PDE7B: variants seen among roughly 807,000 people sequenced by gnomAD.
The protein encoded by PDE7B is phosphodiesterase 7B, also known as 3',5'-cyclic-AMP phosphodiesterase 7B.
In PDE7B, 29 loss-of-function variants were observed where a neutral mutation model predicts 56.2. The observed-to-expected ratio is 0.52, with a 90% CI of 0.38 to 0.70. The LOEUF (loss-of-function observed/expected upper bound fraction) is 0.70. Ranked by LOEUF, PDE7B falls within the 30% of genes least tolerant of loss-of-function variation. The probability of loss-of-function intolerance (pLI) is 0.00; values close to 1 mark genes in which losing one functional copy is unlikely to be tolerated. For synonymous variants in PDE7B, 197 were observed against 196.9 expected (o/e 1.00, Z 0.00); for missense variants, 490 against 565.0 (o/e 0.87, Z 1.35).
chr6:136,185,081 A>G (rs1373006658), intron 11 of PDE7B, among the ~76,000 whole-genome samples: 1 of 152,114 alleles, frequency 6.6e-6, no homozygotes, highest in Non-Finnish European at 1.5e-5. Flanking sequence ...TTGTCTTAAT[A>G]TTATATGGTG....
At chr6:136,152,077 A>AGGG (rs1778529735) in intron 6 of PDE7B, among the ~76,000 whole-genome samples, 2 of 152,184 alleles carry the variant, frequency 1.3e-5, no homozygotes, top group Admixed American at 1.3e-4. Flanking sequence ...GAGGAAGAGG[A>AGGG]GGGGTTGGTC....
At chr6:136,047,206 C>G (rs1224764639) in intron 2 of PDE7B, 4 of 152,212 alleles carry the variant, frequency 2.6e-5, no homozygotes, top group African/African-American at 7.2e-5. Context: ...TTCTCTGTCT[C>G]TCTCTTAAAC....
intron 3 of PDE7B, among the ~76,000 whole-genome samples, chr6:136,134,513 CT>C (rs1778175748): frequency 6.6e-6 from 1 of 152,022 alleles, no homozygotes; most frequent in African/African-American, 2.4e-5. Context: ...TGTATTTCTT[CT>C]TTAGGACTGA....
chr6:135,872,205 A>G (rs1775395807), intron 1 of PDE7B, among the ~76,000 whole-genome samples: 1 of 152,234 alleles, frequency 6.6e-6, no homozygotes, highest in Non-Finnish European at 1.5e-5. Flanking sequence ...GGCCAGTAGC[A>G]TCCTGGTAAT....
intron 3 of PDE7B, 146 bp from the exon 4 acceptor site, chr6:136,147,205 A>G (rs1778429510): frequency 5.8e-6 from 3 of 519,362 alleles, no homozygotes; most frequent in Non-Finnish European, 1.0e-5. Context: ...AAACATTTCA[A>G]ATGTAGAGTT....
chr6:135,939,115 T>C (rs1456070156), intron 1 of PDE7B, among the ~76,000 whole-genome samples: 1 of 152,164 alleles, frequency 6.6e-6, no homozygotes, highest in African/African-American at 2.4e-5. Context: ...CATTTTCCAA[T>C]AGCAATAGCA....
intron 2 of PDE7B, among the ~76,000 whole-genome samples, chr6:136,045,977 A>C (rs1409010639): frequency 6.7e-6 from 1 of 148,452 alleles, no homozygotes; most frequent in Non-Finnish European, 1.5e-5. Context: ...TTCCTTCTCC[A>C]AATCTTTTTG....
intron 11 of PDE7B, 120 bp downstream of exon 11, chr6:136,181,443 C>G: frequency 1.5e-6 from 1 of 679,452 alleles, no homozygotes; most frequent in Non-Finnish European, 2.6e-6. Context: ...CTCTTGTTAT[C>G]CTAACCTTTC....
At chr6:136,081,812 C>T (rs1219999455) in intron 2 of PDE7B, among the ~76,000 whole-genome samples, 2 of 152,202 alleles carry the variant, frequency 1.3e-5, no homozygotes, top group African/African-American at 2.4e-5. Context: ...ATTCAAACTT[C>T]TTCATTAGTC....
At chr6:136,148,989 T>G in intron 4 of PDE7B, 98 bp from the exon 5 acceptor site, 1 of 842,314 alleles carries the variant, frequency 1.2e-6, no homozygotes, top group South Asian at 1.5e-5. Context: ...ATGCTAGGAT[T>G]TTCAACTTTT....
chr6:135,940,874 A>T (rs1184715207), intron 1 of PDE7B, among the ~76,000 whole-genome samples: 1 of 152,248 alleles, frequency 6.6e-6, no homozygotes, highest in African/African-American at 2.4e-5. Flanking sequence ...GTAAGGAATT[A>T]TTCATTCATT....
At chr6:136,077,049 G>T (rs1777137778) in intron 2 of PDE7B, among the ~76,000 whole-genome samples, 1 of 151,570 alleles carries the variant, frequency 6.6e-6, no homozygotes, top group African/African-American at 2.4e-5. Flanking sequence ...GTGCCAGGGA[G>T]CCTGGAGGAT....
chr6:135,952,724 T>C (rs1359499614), intron 2 of PDE7B, among the ~76,000 whole-genome samples: 1 of 152,094 alleles, frequency 6.6e-6, no homozygotes, highest in African/African-American at 2.4e-5. Context: ...AGCTCAGAGA[T>C]AAACTGGGGA....
chr6:135,865,053 T>C (rs982078635), intron 1 of PDE7B, among the ~76,000 whole-genome samples: 1 of 150,984 alleles, frequency 6.6e-6, no homozygotes, highest in Non-Finnish European at 1.5e-5. Flanking sequence ...TGTTTTTTTG[T>C]CCTTGCAGTA....
In PDE7B at chr6:135,926,138, G is replaced by A. The variant is rs986525495; in HGVS notation, c.22-21326G>A. Reference sequence around the variant, plus strand: ...GTTTCACTCTGTCGCCCAGGCTGCAGTGCAGTGGCGCAATCTCGGCTCACT... The same window carrying A: ...GTTTCACTCTGTCGCCCAGGCTGCAATGCAGTGGCGCAATCTCGGCTCACT... On this transcript the variant is annotated intron_variant, in intron 1 of 12. Transcript: ENST00000308191. 1.8e-3 allele frequency among the ~76,000 whole-genome samples: 255 copies of A among 141,618 alleles called. 1 individual carries two copies. Among genetic ancestry groups the A allele is most frequent in the African/African-American group, 5.7e-3 (222 of 38,970 alleles). 92.9% of individuals were successfully genotyped at this position (141,618 alleles called of 152,430 possible).
At chr6:136,181,188 C>T (rs369516075) in intron 10 of PDE7B, 39 bp from the exon 11 acceptor site, 257 of 1,464,960 alleles carry the variant, frequency 1.8e-4, no homozygotes, top group Non-Finnish European at 1.2e-4. Flanking sequence ...ACTGAAAGAA[C>T]ATCCTCTCAC....
At chr6:135,969,017 C>T (rs1359108882) in intron 2 of PDE7B, among the ~76,000 whole-genome samples, 1 of 151,984 alleles carries the variant, frequency 6.6e-6, no homozygotes, top group African/African-American at 2.4e-5. Context: ...GCCATTATAC[C>T]CAGCAAACTA....
intron 3 of PDE7B, among the ~76,000 whole-genome samples, chr6:136,139,843 G>T (rs1027428787): frequency 6.7e-4 from 102 of 151,870 alleles, no homozygotes; most frequent in African/African-American, 1.8e-3. Context: ...TAAATTTGTT[G>T]GAGTTCATTG....
chr6:135,865,973 A>G (rs1177362162), intron 1 of PDE7B, among the ~76,000 whole-genome samples: 1 of 152,108 alleles, frequency 6.6e-6, no homozygotes, highest in Non-Finnish European at 1.5e-5. Flanking sequence ...TCCAATATGG[A>G]CTAGAAGTAA....
Sources: allele counts gnomAD v4.1 joint callset (sites outside exome capture counted in the v4.1 genomes callset), GRCh38; gene constraint gnomAD v4.1.1; transcripts MANE v1.5; gene names NCBI Gene and HGNC (gene_info 2026-07-23, HGNC 2026-07-21).